DGKB: variants seen among roughly 807,000 people sequenced by gnomAD.
The protein encoded by DGKB is diacylglycerol kinase beta, also known as 90 kDa diacylglycerol kinase.
DGKB carries 67 observed loss-of-function variants against 114.3 expected under a neutral mutation model. The ratio of observed to expected loss-of-function variants is 0.59; its 90% CI spans 0.48 to 0.72. The LOEUF is 0.72. Ranked by LOEUF, DGKB falls within the 30% of genes least tolerant of loss-of-function variation. The probability of loss-of-function intolerance (pLI) is 0.00; values close to 1 mark genes in which losing one functional copy is unlikely to be tolerated. For synonymous variants in DGKB, 398 were observed against 323.1 expected (o/e 1.23, Z -2.49); for missense variants, 907 against 975.2 (o/e 0.93, Z 0.93).
intron 23 of DGKB, among the ~76,000 whole-genome samples, chr7:14,189,226 G>T (rs1783946282): frequency 6.6e-6 from 1 of 152,074 alleles, no homozygotes; most frequent in East Asian, 1.9e-4. Flanking sequence ...TAATGGCAAA[G>T]GAACACACCA....
chr7:14,284,995 AAAACTT>A (rs1304505577), intron 23 of DGKB, among the ~76,000 whole-genome samples: 2 of 149,712 alleles, frequency 1.3e-5, no homozygotes. Flanking sequence ...CATGTACCCT[AAAACTT>A]AAAGTATAAT....
intron 2 of DGKB, among the ~76,000 whole-genome samples, chr7:14,817,124 G>A (rs1445797657): frequency 1.3e-5 from 2 of 152,028 alleles, no homozygotes; most frequent in African/African-American, 4.8e-5. Context: ...CCATCTCCAG[G>A]TTATTTTGAT....
chr7:14,661,920 T>C (rs1478743409), intron 13 of DGKB, among the ~76,000 whole-genome samples: 19 of 151,908 alleles, frequency 1.3e-4, no homozygotes, highest in Non-Finnish European at 2.8e-4. Context: ...ATGGATGAAA[T>C]TGGAAAGCAT....
chr7:14,919,109 C>CACAT (rs1784397530), intron 1 of DGKB, among the ~76,000 whole-genome samples: 1 of 150,186 alleles, frequency 6.7e-6, no homozygotes, highest in East Asian at 2.0e-4. Flanking sequence ...CACACACACA[C>CACAT]ACACACACAC....
chr7:14,928,484 T>G (rs955555119), intron 1 of DGKB, among the ~76,000 whole-genome samples: 4 of 151,926 alleles, frequency 2.6e-5, no homozygotes, highest in African/African-American at 9.7e-5. Context: ...AAATAAATAC[T>G]TTTTCCCTAA....
intron 6 of DGKB, among the ~76,000 whole-genome samples, chr7:14,709,222 T>C (rs1450733388): frequency 6.6e-6 from 1 of 152,070 alleles, no homozygotes; most frequent in African/African-American, 2.4e-5. Flanking sequence ...AAAATGCTCA[T>C]CATCACTGGC....
chr7:14,878,296 T>C (rs1303524057), intron 1 of DGKB, among the ~76,000 whole-genome samples: 2 of 152,246 alleles, frequency 1.3e-5, no homozygotes, highest in African/African-American at 4.8e-5. Flanking sequence ...CTGACGGCTT[T>C]ATCTTTCTCT....
In DGKB at chr7:14,149,153, G is replaced by C. The variant is rs1301445741; in HGVS notation, c.2390C>G (p.Thr797Arg). ...GGATTATTCCTTGCTTCGGTTTCTTGTCCTTTTGACGAGGGAGCAGAATAA... is the reference window on the plus strand; with the variant it reads ...GGATTATTCCTTGCTTCGGTTTCTTCTCCTTTTGACGAGGGAGCAGAATAA... ...TGLFCSLVKR[T>R]RNRSKE Residue 797 changes from threonine (T) to arginine (R), a missense_variant, in exon 26 of 26, where the codon ACA (threonine) becomes AGA (arginine). By Grantham distance (71) the Thr-to-Arg change is moderately conservative. This residue lies in a region of DGKB where 58 missense variants were observed against 52.5 expected (regional missense o/e 1.10). Transcript: ENST00000402815. The C allele has an allele frequency of 6.2e-7, 1 of 1,613,452 alleles. No homozygotes were observed. Among genetic ancestry groups the C allele is most frequent in the East Asian group, 2.2e-5 (1 of 44,854 alleles).
chr7:14,864,196 T>C (rs1007032104), intron 1 of DGKB, among the ~76,000 whole-genome samples: 1 of 152,210 alleles, frequency 6.6e-6, no homozygotes, highest in East Asian at 1.9e-4. Context: ...AATTATATGA[T>C]TTTTATTTTA....
chr7:14,734,395 C>G (rs1213071038), intron 5 of DGKB, among the ~76,000 whole-genome samples: 1 of 152,134 alleles, frequency 6.6e-6, no homozygotes, highest in Non-Finnish European at 1.5e-5. Context: ...ACTCGCTAGA[C>G]TTGTGGCTCT....
chr7:14,757,785 T>C (rs1418579465), intron 2 of DGKB, 54 bp from the exon 3 acceptor site: 2 of 964,632 alleles, frequency 2.1e-6, no homozygotes, highest in African/African-American at 1.6e-5. Context: ...TGTGGTTGTG[T>C]AGCCCAGTCC....
In DGKB at chr7:14,607,320, A is replaced by G. The variant is rs192954441; in HGVS notation, c.1433+114T>C. On this transcript the variant is annotated intron_variant, in intron 17 of 25. Transcript: ENST00000402815. Reference sequence around the variant, plus strand: ...CTTACGTAGTTGATATTTCATTTTTATGTACTAATATGCTGCTGTGTTCAA... The same window carrying G: ...CTTACGTAGTTGATATTTCATTTTTGTGTACTAATATGCTGCTGTGTTCAA... The G allele has an allele frequency of 1.7e-4, 102 of 605,220 alleles. 1 individual carries two copies. The East Asian group carries it at 2.9e-3, about 17-fold the overall frequency. 37.5% of individuals were successfully genotyped at this position (605,220 alleles called of 1,614,324 possible).
chr7:14,919,101 C>CACACACACAA (rs1784396192), intron 1 of DGKB, among the ~76,000 whole-genome samples: 1 of 140,950 alleles, frequency 7.1e-6, no homozygotes, highest in Non-Finnish European at 1.6e-5. Context: ...CACAAACACA[C>CACACACACAA]ACACACACAC....
chr7:14,618,534 G>A (rs936305980), intron 15 of DGKB, among the ~76,000 whole-genome samples: 1 of 151,600 alleles, frequency 6.6e-6, no homozygotes, highest in African/African-American at 2.4e-5. Context: ...AGAGCCATCT[G>A]TAATTTTATA....
At chr7:14,877,277 C>T (rs1222130983) in intron 1 of DGKB, among the ~76,000 whole-genome samples, 4 of 152,038 alleles carry the variant, frequency 2.6e-5, no homozygotes, top group Non-Finnish European at 4.4e-5. Flanking sequence ...ATTTTATGGC[C>T]GGGTGTGGTG....
intron 1 of DGKB, among the ~76,000 whole-genome samples, chr7:14,887,170 C>T (rs1456379309): frequency 3.3e-5 from 5 of 151,804 alleles, no homozygotes; most frequent in East Asian, 1.9e-4. Flanking sequence ...TCACACTTTA[C>T]CTGCCTCAAT....
chr7:14,441,822 T>A (rs1371520205), intron 21 of DGKB, among the ~76,000 whole-genome samples: 1 of 152,068 alleles, frequency 6.6e-6, no homozygotes, highest in African/African-American at 2.4e-5. Context: ...ATTTAACAAA[T>A]TATTTTTATA....
chr7:14,887,193 CCA>C (rs1030952899), intron 1 of DGKB, among the ~76,000 whole-genome samples: 159 of 151,870 alleles, frequency 1.0e-3, no homozygotes, highest in African/African-American at 3.7e-3. Flanking sequence ...GGCTTTTGCT[CCA>C]CCACACCACT....
chr7:14,782,068 AG>A (rs1324606921), intron 2 of DGKB, among the ~76,000 whole-genome samples: 1 of 152,164 alleles, frequency 6.6e-6, no homozygotes, highest in East Asian at 1.9e-4. Flanking sequence ...TGTCTCTCCC[AG>A]GCTGAAGTGC....
Sources: allele counts gnomAD v4.1 joint callset (sites outside exome capture counted in the v4.1 genomes callset), GRCh38; gene constraint gnomAD v4.1.1; regional missense constraint gnomAD v4.1.1; transcripts MANE v1.5; gene names NCBI Gene and HGNC (gene_info 2026-07-23, HGNC 2026-07-21).